B4GALNT3: variants seen among roughly 807,000 people sequenced by gnomAD.
B4GALNT3 encodes beta-1,4-N-acetyl-galactosaminyltransferase 3.
B4GALNT3 carries 86 observed loss-of-function variants against 120.2 expected under a neutral mutation model. That is an observed-to-expected ratio of 0.72 (90% confidence interval 0.60 to 0.86). The LOEUF (loss-of-function observed/expected upper bound fraction) is 0.86. Ranked by LOEUF, B4GALNT3 falls within the 40% of genes least tolerant of loss-of-function variation. The pLI, the probability that B4GALNT3 is intolerant of heterozygous loss-of-function variation, is 0.00. For synonymous variants in B4GALNT3, 518 were observed against 510.4 expected (o/e 1.01, Z -0.20); for missense variants, 1,167 against 1,298.9 (o/e 0.90, Z 1.56).
intron 1 of B4GALNT3, among the ~76,000 whole-genome samples, chr12:486,205 C>CTT (rs59345776): frequency 2.3e-3 from 226 of 97,942 alleles, no homozygotes; most frequent in Non-Finnish European, 3.0e-3. Context: ...CCAAAATATT[C>CTT]TTTTTTTTTT....
rs184730269 is a variant in B4GALNT3 at position 514,766 on chromosome 12, C to T, written c.170-20400C>T. On this transcript the variant is annotated intron_variant, in intron 1 of 19. Coordinates refer to ENST00000266383, the MANE Select transcript of B4GALNT3 (RefSeq NM_173593.4). ...ATTCTGGGCTGGGCGTGGTGGCTTA[C>T]ACCTGTAATCCCAGCACTTTGGAAG... 1.1e-3 allele frequency among the ~76,000 whole-genome samples: 172 copies of T among 152,112 alleles called. 1 individual carries two copies. Among genetic ancestry groups the T allele is most frequent in the Non-Finnish European group, 2.2e-3 (148 of 67,998 alleles).
In B4GALNT3 at chr12:561,437, A is replaced by T. The variant is rs1947231258; in HGVS notation, c.2983A>T (p.Met995Leu). 2.5e-6 allele frequency: 4 copies of T among 1,612,860 alleles called. No homozygotes were observed. The highest frequency in any genetic ancestry group is 1.7e-5 in the Admixed American group (1 of 59,986). ...GCGAGGCATGTGGAGCCGTCGCCAG[A>T]TGAAGACGCTGTAGCCGGAGGGTGT... is the stretch of plus-strand genomic sequence containing the variant. ...SKRGMWSRRQ[M>L]KTL is the part of the protein sequence containing the mutation. The change falls in exon 20 of 20, where the codon ATG (methionine) becomes TTG (leucine). Residue 995 changes from methionine (M) to leucine (L), a missense_variant. Physicochemically the swap from Met to Leu is conservative, Grantham distance 15. Around this residue, in one of 3 missense-constraint regions of B4GALNT3, gnomAD observed 983 missense variants for 1,102.5 expected, o/e 0.89. Coordinates refer to ENST00000266383, the MANE Select transcript of B4GALNT3 (RefSeq NM_173593.4).
intron 1 of B4GALNT3, among the ~76,000 whole-genome samples, chr12:512,953 C>CCTTCAACCTTCCACTTT (rs1946609713): frequency 7.1e-6 from 1 of 140,108 alleles, no homozygotes; most frequent in Non-Finnish European, 1.6e-5. Flanking sequence ...CCTTCTTCCA[C>CCTTCAACCTTCCACTTT]CTTCCACCTT....
intron 1 of B4GALNT3, among the ~76,000 whole-genome samples, chr12:480,679 G>A (rs767238100): frequency 3.5e-5 from 5 of 143,154 alleles, no homozygotes; most frequent in South Asian, 2.3e-4. Context: ...CCTTATCTCC[G>A]GGACCGCGGC....
chr12:545,084 C>T (rs756261496), intron 5 of B4GALNT3, 112 bp downstream of exon 5: 5 of 1,477,494 alleles, frequency 3.4e-6, no homozygotes, highest in South Asian at 1.4e-5. Flanking sequence ...TGTTAGTCCA[C>T]CCTCAGGAAG....
intron 3 of B4GALNT3, 96 bp from the exon 4 acceptor site, chr12:544,242 TG>T: frequency 8.9e-7 from 1 of 1,127,902 alleles, no homozygotes; most frequent in Non-Finnish European, 1.3e-6. Flanking sequence ...GCTGAGGGTC[TG>T]GGGCGGGCAT....
chr12:537,912 G>A (rs911374804), intron 3 of B4GALNT3, among the ~76,000 whole-genome samples: 1 of 152,096 alleles, frequency 6.6e-6, no homozygotes, highest in South Asian at 2.1e-4. Context: ...TGAATGTGAC[G>A]TTAGTTATCC....
intron 1 of B4GALNT3, among the ~76,000 whole-genome samples, chr12:522,664 G>A (rs1000754744): frequency 2.6e-5 from 4 of 152,118 alleles, no homozygotes; most frequent in African/African-American, 9.7e-5. Context: ...GCCAGGCGTG[G>A]TGGCTCACGT....
intron 1 of B4GALNT3, among the ~76,000 whole-genome samples, chr12:516,050 G>A (rs1251797136): frequency 6.6e-6 from 1 of 151,968 alleles, no homozygotes. Context: ...GGAGGCTAAG[G>A]CAGGAGAATG....
At chr12:559,973 T>C (rs1947207833) in intron 19 of B4GALNT3, among the ~76,000 whole-genome samples, 1 of 151,988 alleles carries the variant, frequency 6.6e-6, no homozygotes, top group African/African-American at 2.4e-5. Flanking sequence ...GTCAATGAGA[T>C]GAAAAGCCTC....
At chr12:525,713 C>A (rs1946753815) in intron 1 of B4GALNT3, among the ~76,000 whole-genome samples, 1 of 152,200 alleles carries the variant, frequency 6.6e-6, no homozygotes, top group African/African-American at 2.4e-5. Context: ...GGAGGAAGAG[C>A]ACAGGCTTTT....
intron 3 of B4GALNT3, chr12:543,257 G>A (rs1028942381): frequency 7.9e-5 from 97 of 1,225,196 alleles, no homozygotes; most frequent in Admixed American, 1.4e-4. Context: ...AGAGTGGGCC[G>A]GACCCGCACA....
chr12:556,419 C>T (rs770828411), intron 14 of B4GALNT3, 128 bp from the exon 15 acceptor site: 145 of 870,888 alleles, frequency 1.7e-4, no homozygotes, highest in Non-Finnish European at 2.4e-4. Flanking sequence ...GCCCTATAGC[C>T]AGCCAGTGGC....
chr12:555,288 A>G (rs1302203412), intron 14 of B4GALNT3: 1 of 453,346 alleles, frequency 2.2e-6, no homozygotes, highest in Admixed American at 2.4e-5. Flanking sequence ...TTTCCTTTCT[A>G]GCTCTGTGGA....
At chr12:519,504 C>T (rs528336550) in intron 1 of B4GALNT3, among the ~76,000 whole-genome samples, 10 of 151,934 alleles carry the variant, frequency 6.6e-5, no homozygotes, top group Admixed American at 2.6e-4. Flanking sequence ...TGGCAGAACG[C>T]GGCTCAGTGG....
In B4GALNT3 at chr12:510,626, G is replaced by A. The variant is rs542955192; in HGVS notation, c.170-24540G>A. ...AACGGTCTGGGTACAAAGAGGAGGGGGTTGGGTATGAGAGGGAGGGGCGGG... is the reference window on the plus strand; with the variant it reads ...AACGGTCTGGGTACAAAGAGGAGGGAGTTGGGTATGAGAGGGAGGGGCGGG... On this transcript the variant is annotated intron_variant, in intron 1 of 19. Transcript: ENST00000266383. Among the ~76,000 whole-genome samples the A allele has an allele frequency of 7.2e-5, 11 of 152,020 alleles. No homozygotes were observed. In the East Asian group the frequency reaches 2.1e-3, roughly 29 times the overall value.
Position 535,148 on chromosome 12 carries a change from T to G in B4GALNT3, c.170-18T>G. The G allele has an allele frequency of 6.2e-7, 1 of 1,604,158 alleles. No individual in the cohort carries two copies. Among genetic ancestry groups the G allele is most frequent in the Non-Finnish European group, 8.5e-7 (1 of 1,172,548 alleles). On this transcript the variant is annotated intron_variant, in intron 1 of 19. Coordinates refer to ENST00000266383, the MANE Select transcript of B4GALNT3 (RefSeq NM_173593.4). The stretch of plus-strand genomic sequence containing the variant: ...CAGGTTACGCTGACCTGAGGGCTCC[T>G]CTCTTCCCCTTCCACAGGGTACGGC...
At chr12:506,248 A>G (rs1353556102) in intron 1 of B4GALNT3, among the ~76,000 whole-genome samples, 3 of 152,144 alleles carry the variant, frequency 2.0e-5, no homozygotes, top group East Asian at 3.8e-4. Flanking sequence ...AACACTTACA[A>G]TGGTCCTTAA....
intron 1 of B4GALNT3, among the ~76,000 whole-genome samples, chr12:499,712 C>A (rs186965320): frequency 1.3e-5 from 2 of 152,206 alleles, no homozygotes; most frequent in Non-Finnish European, 2.9e-5. Context: ...ACAGTCCTAG[C>A]CCGTGGTAGG....
Sources: gnomAD v4.1 joint callset for allele counts (sites outside exome capture counted in the v4.1 genomes callset) on GRCh38, gnomAD v4.1.1 for gene constraint, gnomAD v4.1.1 regional missense constraint, MANE v1.5 for transcripts, NCBI Gene and HGNC (gene_info 2026-07-23, HGNC 2026-07-21) for gene names.